KLHL6: variants seen among roughly 807,000 people sequenced by gnomAD.
KLHL6 encodes kelch-like protein 6.
In KLHL6, 41 loss-of-function variants were observed where a neutral mutation model predicts 58.6. The ratio of observed to expected loss-of-function variants is 0.70; its 90% CI spans 0.55 to 0.91. The LOEUF (loss-of-function observed/expected upper bound fraction) is 0.91. Ranked by LOEUF, KLHL6 falls within the 40% of genes least tolerant of loss-of-function variation. The pLI, the probability that KLHL6 is intolerant of heterozygous loss-of-function variation, is 0.00. For missense variants in KLHL6, 714 were observed against 805.6 expected (o/e 0.89, Z 1.38); for synonymous variants, 338 against 322.7 (o/e 1.05, Z -0.51).
intron 1 of KLHL6, among the ~76,000 whole-genome samples, chr3:183,541,333 C>T (rs1352585756): frequency 6.6e-6 from 1 of 152,210 alleles, no homozygotes; most frequent in African/African-American, 2.4e-5. Flanking sequence ...AAGACAGGAG[C>T]TCCTCCAGCT....
intron 3 of KLHL6, among the ~76,000 whole-genome samples, chr3:183,502,443 C>T (rs528659757): frequency 9.8e-4 from 149 of 152,218 alleles, no homozygotes; most frequent in African/African-American, 3.5e-3. Context: ...TAGTTCCCTC[C>T]ATGCTGTTCT....
chr3:183,551,122 GA>G (rs35352469), intron 1 of KLHL6, among the ~76,000 whole-genome samples: 51,557 of 131,456 alleles, frequency 0.39, 11,101 homozygotes, highest in African/African-American at 0.64. Flanking sequence ...CTCTGTCTCA[GA>G]AAAAAAAAAA....
chr3:183,508,887 A>C (rs996328473), intron 2 of KLHL6, among the ~76,000 whole-genome samples: 1 of 152,280 alleles, frequency 6.6e-6, no homozygotes, highest in African/African-American at 2.4e-5. Context: ...AGAAAATATT[A>C]AATGAAATAG....
chr3:183,551,896 A>T (rs976621425), intron 1 of KLHL6, among the ~76,000 whole-genome samples: 4 of 152,142 alleles, frequency 2.6e-5, no homozygotes, highest in African/African-American at 7.2e-5. Flanking sequence ...ATTTAATTTT[A>T]AAAAAATACA....
At chr3:183,515,717 C>A (rs925243633) in intron 2 of KLHL6, among the ~76,000 whole-genome samples, 13 of 152,212 alleles carry the variant, frequency 8.5e-5, no homozygotes, top group African/African-American at 2.7e-4. Context: ...TTTTGTGGAG[C>A]ACCCAGAGTA....
chr3:183,510,000 G>T (rs1468033631), intron 2 of KLHL6, among the ~76,000 whole-genome samples: 1 of 151,946 alleles, frequency 6.6e-6, no homozygotes, highest in Non-Finnish European at 1.5e-5. Flanking sequence ...TGGCTCTCAG[G>T]TCCCACTTTT....
chr3:183,505,736 G>A (rs1717983736), intron 3 of KLHL6, among the ~76,000 whole-genome samples: 1 of 150,346 alleles, frequency 6.7e-6, no homozygotes, highest in South Asian at 2.1e-4. Context: ...GTATTAACAA[G>A]ATAATAAAGG....
rs1273053130 is a variant in KLHL6 at position 183,535,298 on chromosome 3, C to A, written c.294-7288G>T. On this transcript the variant is annotated intron_variant, in intron 1 of 6. Transcript: ENST00000341319. ...GTGCAGAGTAGGCACAATTCAAATGCCCAACAGCCACATGTGGCTAGTAGC... is the reference window on the plus strand; with the variant it reads ...GTGCAGAGTAGGCACAATTCAAATGACCAACAGCCACATGTGGCTAGTAGC... Among the ~76,000 whole-genome samples the A allele has an allele frequency of 2.6e-5, 4 of 152,280 alleles. No homozygotes were observed. In the East Asian group the frequency reaches 7.7e-4, roughly 29 times the overall value.
intron 1 of KLHL6, among the ~76,000 whole-genome samples, chr3:183,538,283 G>A (rs1712430810): frequency 6.6e-6 from 1 of 151,970 alleles, no homozygotes; most frequent in Non-Finnish European, 1.5e-5. Context: ...CCCTTCCCTA[G>A]AACTCCACAC....
Position 183,489,569 on chromosome 3 carries a change from T to A in KLHL6, c.*2358A>T, listed in dbSNP as rs1202368437. 6.6e-6 allele frequency: 1 copy of A among 152,262 alleles called. No individual in the cohort carries two copies. Among genetic ancestry groups the A allele is most frequent in the African/African-American group, 2.4e-5 (1 of 41,478 alleles). The allele number at this position is 152,262 out of a possible 1,614,324, so 9.4% of individuals were successfully genotyped here. On this transcript the variant is annotated 3_prime_UTR_variant, in exon 7 of 7. Coordinates refer to ENST00000341319, the MANE Select transcript of KLHL6 (RefSeq NM_130446.4). ...TGACAGACATGAAGAACTCCATGAA[T>A]GTTTGCTGAATTGAACTAGATTACA...
In KLHL6 at chr3:183,555,403, G is replaced by A. The variant is rs376896271; in HGVS notation, c.251C>T (p.Ser84Phe). Residue 84 changes from serine to phenylalanine, a missense_variant, in exon 1 of 7, where the codon TCC becomes TTC. By Grantham distance (155) the Ser-to-Phe change is radical. Transcript: ENST00000341319. ...VILCVDIQEF[S>F]CHRVVLAAAS... ...TGCGGCAAGCACCACGCGGTGGCAG[G>A]AGAATTCCTGAATGTCCACACACAA... 41 of 1,614,024 alleles carry A rather than the reference G, an allele frequency of 2.5e-5. No homozygotes were observed. Among genetic ancestry groups the A allele is most frequent in the Admixed American group, 3.3e-5 (2 of 59,992 alleles).
At position 183,489,542 on chromosome 3, in the gene KLHL6, C is replaced by T. The variant is rs1717487102; in HGVS notation, c.*2385G>A. 1 of 152,230 alleles carries T rather than the reference C, an allele frequency of 6.6e-6. No individual in the cohort carries two copies. Among genetic ancestry groups the T allele is most frequent in the South Asian group, 2.1e-4 (1 of 4,834 alleles). 9.4% of individuals were successfully genotyped at this position (152,230 alleles called of 1,614,324 possible). Reference sequence around the variant, plus strand: ...TTGCCATTCGTGGGTGTCCTCAAGGCTTGACAGACATGAAGAACTCCATGA... The same window carrying T: ...TTGCCATTCGTGGGTGTCCTCAAGGTTTGACAGACATGAAGAACTCCATGA... On this transcript the variant is annotated 3_prime_UTR_variant, in exon 7 of 7. Coordinates refer to ENST00000341319, the MANE Select transcript of KLHL6 (RefSeq NM_130446.4).
chr3:183,529,609 G>A (rs529033010), intron 1 of KLHL6, among the ~76,000 whole-genome samples: 9 of 152,122 alleles, frequency 5.9e-5, no homozygotes, highest in East Asian at 3.9e-4. Flanking sequence ...AGGCCAAGGC[G>A]GGTGCATCAC....
rs146413670 is a variant in KLHL6 at position 183,491,950 on chromosome 3, C to G, written c.1843G>C (p.Val615Leu). ...RKSYTHIRRIVPGAVSV is the reference protein window; with the variant it reads ...RKSYTHIRRILPGAVSV ...CGTCAGACAGACACTGCTCCGGGCA[C>G]GATCCTGCGGATGTGGGTGTACGAC... is the stretch of plus-strand genomic sequence containing the variant. The change falls in exon 7 of 7, where the codon GTG becomes CTG. Residue 615 changes from valine (V) to leucine (L), a missense_variant. Around this residue, in one of 2 missense-constraint regions of KLHL6, gnomAD observed 510 missense variants for 629.7 expected, o/e 0.81. Coordinates refer to ENST00000341319, the MANE Select transcript of KLHL6 (RefSeq NM_130446.4). The G allele has an allele frequency of 1.5e-4, 226 of 1,521,474 alleles. No homozygotes were observed. The African/African-American group carries it at 2.7e-3, about 18-fold the overall frequency. The allele number at this position is 1,521,474 out of a possible 1,614,324, so 94.2% of individuals were successfully genotyped here.
At chr3:183,511,780 TAAGGTTGGGGCAAA>T (rs2108676730) in intron 2 of KLHL6, among the ~76,000 whole-genome samples, 1 of 152,280 alleles carries the variant, frequency 6.6e-6, no homozygotes, top group South Asian at 2.1e-4. Context: ...TTTGTGAGCT[TAAGGTTGGGGCAAA>T]GAGGTTGGGG....
intron 2 of KLHL6, among the ~76,000 whole-genome samples, chr3:183,519,945 A>G (rs2108680875): frequency 6.6e-6 from 1 of 151,884 alleles, no homozygotes; most frequent in Non-Finnish European, 1.5e-5. Flanking sequence ...AATAGGTTAA[A>G]TCACATTCTT....
chr3:183,508,373 G>A lies in KLHL6; in HGVS notation c.595C>T (p.Gln199Ter), dbSNP rs1718076124. 1 of 1,614,198 alleles carries A rather than the reference G, an allele frequency of 6.2e-7. No individual in the cohort carries two copies. The highest frequency in any genetic ancestry group is 8.5e-7 in the Non-Finnish European group (1 of 1,180,034). Reference sequence around the variant, plus strand: ...GAGTTCAGAATCTGCACAAAGTTTTGAATGATGTAACTCTGAACCTGCTTC... The same window carrying A: ...GAGTTCAGAATCTGCACAAAGTTTTAAATGATGTAACTCTGAACCTGCTTC... The part of the protein sequence containing the change: ...LKKQVQSYII[Q>*]NFVQILNSEE... Residue 199 changes from glutamine to a stop codon, truncating the protein, a stop_gained, in exon 3 of 7, where the codon CAA becomes TAA. Coordinates refer to ENST00000341319, the MANE Select transcript of KLHL6 (RefSeq NM_130446.4). LOFTEE classifies it high-confidence loss of function.
At chr3:183,527,788 A>C (rs1400528859) in intron 2 of KLHL6, 57 bp downstream of exon 2, 4 of 1,563,672 alleles carry the variant, frequency 2.6e-6, no homozygotes, top group Non-Finnish European at 2.6e-6. Context: ...TGGCCTCTGG[A>C]GAATTACTGC....
At chr3:183,500,056 C>T (rs543612710) in intron 3 of KLHL6, among the ~76,000 whole-genome samples, 2 of 152,270 alleles carry the variant, frequency 1.3e-5, no homozygotes, top group African/African-American at 4.8e-5. Context: ...GTGTGCTTCG[C>T]CCAGGACCTG....
Sources: allele counts gnomAD v4.1 joint callset (sites outside exome capture counted in the v4.1 genomes callset), GRCh38; gene constraint gnomAD v4.1.1; regional missense constraint gnomAD v4.1.1; transcripts MANE v1.5; gene names NCBI Gene and HGNC (gene_info 2026-07-23, HGNC 2026-07-21).